The following CNBD1 variants were observed in gnomAD, a reference collection of about 807,000 sequenced individuals.
The protein encoded by CNBD1 is cyclic nucleotide binding domain containing 1, also known as cyclic nucleotide-binding domain-containing protein 1.
CNBD1 carries 71 observed loss-of-function variants against 54.4 expected under a neutral mutation model. The ratio of observed to expected loss-of-function variants is 1.30; its 90% CI spans 1.08 to 1.59. The LOEUF is 1.59. CNBD1 is among the 40% of genes most tolerant of loss of function. The probability of loss-of-function intolerance (pLI) is 0.00; values close to 1 mark genes in which losing one functional copy is unlikely to be tolerated. For missense variants in CNBD1, 659 were observed against 518.0 expected (o/e 1.27, Z -2.64); for synonymous variants, 182 against 170.7 (o/e 1.07, Z -0.51).
chr8:87,390,675 G>C (rs181500605), intron 2 of CNBD1, among the ~76,000 whole-genome samples: 3,031 of 152,062 alleles, frequency 0.02, 95 homozygotes, highest in African/African-American at 0.062. Context: ...TTGTGGAAGT[G>C]AGTGTGATGA....
intron 6 of CNBD1, among the ~76,000 whole-genome samples, chr8:87,266,539 C>T (rs1284061449): frequency 6.7e-6 from 1 of 148,226 alleles, no homozygotes; most frequent in African/African-American, 2.5e-5. Flanking sequence ...GCAACCTCCG[C>T]CTCCCAGGTT....
chr8:87,063,711 T>G (rs761444580), intron 4 of CNBD1, among the ~76,000 whole-genome samples: 1 of 152,040 alleles, frequency 6.6e-6, no homozygotes, highest in Non-Finnish European at 1.5e-5. Flanking sequence ...AAAATTGACA[T>G]ATTTTCAGTA....
intron 4 of CNBD1, among the ~76,000 whole-genome samples, chr8:86,953,792 A>G (rs1279076592): frequency 2.6e-5 from 4 of 151,970 alleles, no homozygotes; most frequent in Non-Finnish European, 4.4e-5. Context: ...ACTTGAACCC[A>G]GGAGGTGGAG....
chr8:87,425,331 T>A (rs954670318), intron 2 of CNBD1, among the ~76,000 whole-genome samples: 1 of 152,240 alleles, frequency 6.6e-6, no homozygotes, highest in Non-Finnish European at 1.5e-5. Flanking sequence ...CGTCAGTCAT[T>A]CTCCGTCCAG....
At chr8:86,933,597 G>A (rs1210445752) in intron 3 of CNBD1, among the ~76,000 whole-genome samples, 1 of 152,030 alleles carries the variant, frequency 6.6e-6, no homozygotes, top group Non-Finnish European at 1.5e-5. Flanking sequence ...GAGAATACTA[G>A]CAACAAAATT....
chr8:87,313,840 GA>G (rs1809325627), intron 8 of CNBD1, among the ~76,000 whole-genome samples: 1 of 151,738 alleles, frequency 6.6e-6, no homozygotes, highest in Admixed American at 6.6e-5. Context: ...TGACAGTAAG[GA>G]AAACATGTCA....
intron 2 of CNBD1, among the ~76,000 whole-genome samples, chr8:86,902,416 C>CT (rs1808952770): frequency 6.6e-6 from 1 of 152,078 alleles, no homozygotes; most frequent in African/African-American, 2.4e-5. Context: ...CACTGAACTT[C>CT]TTTTAATACA....
At chr8:87,063,578 A>C (rs970134463) in intron 4 of CNBD1, among the ~76,000 whole-genome samples, 17 of 151,850 alleles carry the variant, frequency 1.1e-4, no homozygotes, top group African/African-American at 4.8e-5. Flanking sequence ...TTGTTCTTTG[A>C]CTCTTGAGAG....
At chr8:87,263,876 T>G (rs1011067709) in intron 6 of CNBD1, among the ~76,000 whole-genome samples, 1 of 152,196 alleles carries the variant, frequency 6.6e-6, no homozygotes. Flanking sequence ...TTTAAAAATC[T>G]AATACTATAA....
At chr8:87,392,722 A>G (rs534021136) in intron 2 of CNBD1, among the ~76,000 whole-genome samples, 2 of 152,092 alleles carry the variant, frequency 1.3e-5, no homozygotes, top group East Asian at 3.9e-4. Flanking sequence ...AACATTCCAA[A>G]TTAGATTCCA....
At chr8:87,299,729 TG>T (rs1415665513) in intron 8 of CNBD1, among the ~76,000 whole-genome samples, 4 of 152,034 alleles carry the variant, frequency 2.6e-5, no homozygotes, top group African/African-American at 9.7e-5. Context: ...GTCACCTGGG[TG>T]TATGTTAGAA....
intron 8 of CNBD1, among the ~76,000 whole-genome samples, chr8:87,319,097 G>A (rs1001977286): frequency 2.0e-5 from 3 of 152,102 alleles, no homozygotes; most frequent in African/African-American, 7.2e-5. Context: ...CAAGGAAGGA[G>A]AGGATATTAG....
At chr8:87,157,469 A>G (rs1431759) in intron 4 of CNBD1, among the ~76,000 whole-genome samples, 77,573 of 152,050 alleles carry the variant, frequency 0.51, 20,210 homozygotes, top group African/African-American at 0.59. Context: ...ATAGTACCTC[A>G]CGCATTATGA....
intron 5 of CNBD1, among the ~76,000 whole-genome samples, chr8:87,230,086 C>T (rs1268482520): frequency 1.3e-5 from 2 of 152,104 alleles, no homozygotes; most frequent in African/African-American, 4.8e-5. Context: ...AAAATGGGAG[C>T]CAAGACTTTA....
rs185272451 is a variant in CNBD1 at position 87,020,424 on chromosome 8, G to A, written c.431+80670G>A. On this transcript the variant is annotated intron_variant, in intron 4 of 10. Coordinates refer to ENST00000518476, the MANE Select transcript of CNBD1 (RefSeq NM_173538.3). ...CCAAATCAAACACCCCTAGGAATAA[G>A]CCTCCTAGTGCTGTGGGAACCGATG... Among the ~76,000 whole-genome samples the A allele has an allele frequency of 1.6e-4, 24 of 152,240 alleles. No homozygotes were observed. In the East Asian group the frequency reaches 4.4e-3, roughly 28 times the overall value.
chr8:87,228,989 A>G (rs1814592139), intron 5 of CNBD1, among the ~76,000 whole-genome samples: 1 of 152,108 alleles, frequency 6.6e-6, no homozygotes, highest in Admixed American at 6.5e-5. Flanking sequence ...TTCGGGTGGG[A>G]GTGACCCGAT....
rs182084711 is a variant in CNBD1 at position 86,958,613 on chromosome 8, G to A, written c.431+18859G>A. 5.3e-5 allele frequency among the ~76,000 whole-genome samples: 8 copies of A among 152,102 alleles called. No homozygotes were observed. The East Asian group carries it at 1.5e-3, about 29-fold the overall frequency. Reference sequence around the variant, plus strand: ...TTCTTTGTCTCTTTTGGTCTTTATTGGTTTAAAGTCTGTTTTATCAGAGAC... The same window carrying A: ...TTCTTTGTCTCTTTTGGTCTTTATTAGTTTAAAGTCTGTTTTATCAGAGAC... On this transcript the variant is annotated intron_variant, in intron 4 of 10. Transcript: ENST00000518476.
At chr8:87,346,559 G>A (rs559728681) in intron 8 of CNBD1, among the ~76,000 whole-genome samples, 6 of 151,062 alleles carry the variant, frequency 4.0e-5, no homozygotes, top group Admixed American at 1.3e-4. Flanking sequence ...GTGTATATTC[G>A]CTACACATAG....
At chr8:87,342,355 C>T (rs746632437) in intron 8 of CNBD1, among the ~76,000 whole-genome samples, 3 of 151,814 alleles carry the variant, frequency 2.0e-5, no homozygotes, top group Non-Finnish European at 4.4e-5. Context: ...GAGTCTGGTG[C>T]TTCCTATTCC....
Sources: allele counts gnomAD v4.1 joint callset (sites outside exome capture counted in the v4.1 genomes callset), GRCh38; gene constraint gnomAD v4.1.1; transcripts MANE v1.5; gene names NCBI Gene and HGNC (gene_info 2026-07-23, HGNC 2026-07-21).